Variants in TMCC3 observed in about 807,000 individuals in gnomAD.
TMCC3 encodes the protein transmembrane and coiled-coil domain protein 3.
A neutral mutation model predicts 40.2 loss-of-function variants in TMCC3; 28 were observed. The ratio of observed to expected loss-of-function variants is 0.70; its 90% CI spans 0.52 to 0.95. The LOEUF (loss-of-function observed/expected upper bound fraction) is 0.95, where lower values mean the gene tolerates loss of function less well. Among genes scored for constraint, TMCC3 ranks in the 40% least tolerant of loss-of-function variants. The probability of loss-of-function intolerance (pLI) is 0.00; values close to 1 mark genes in which losing one functional copy is unlikely to be tolerated. For missense variants in TMCC3, 554 were observed against 615.2 expected (o/e 0.90, Z 1.05); for synonymous variants, 255 against 248.5 (o/e 1.03, Z -0.25).
intron 1 of TMCC3, among the ~76,000 whole-genome samples, chr12:94,582,999 A>C (rs2068616007): frequency 6.8e-6 from 1 of 146,680 alleles, no homozygotes; most frequent in Admixed American, 6.7e-5. Flanking sequence ...TTTTTTAAAA[A>C]AGAAAGATGG....
At position 94,639,668 on chromosome 12, in the gene TMCC3, AACACACACACAC is replaced by A. The variant is rs3073591; in HGVS notation, c.78+10673_78+10684del. Among the ~76,000 whole-genome samples, 340 of 124,132 alleles carry A rather than the reference AACACACACACAC, an allele frequency of 2.7e-3. 2 individuals carry two copies. The highest frequency in any genetic ancestry group is 0.01 in the African/African-American group (323 of 31,640). 81.4% of individuals were successfully genotyped at this position (124,132 alleles called of 152,430 possible). A position where few individuals can be genotyped will look rare whatever the true frequency, so the allele number is the denominator to read the frequency against. ...AGATTACAGGAAACACATATATGTA[AACACACACACAC>A]ACACACACACACACACACACACACA... On this transcript the variant is annotated intron_variant, in intron 1 of 3. Transcript: ENST00000261226.
chr12:94,640,370 G>A (rs558625436), intron 1 of TMCC3, among the ~76,000 whole-genome samples: 1 of 152,124 alleles, frequency 6.6e-6, no homozygotes, highest in African/African-American at 2.4e-5. Context: ...CTTTTGTAGA[G>A]ATGGGGTTTG....
In TMCC3 at chr12:94,570,420, A is replaced by G. The variant is rs532621050; in HGVS notation, c.*1015T>C. On this transcript the variant is annotated 3_prime_UTR_variant, in exon 4 of 4. Coordinates refer to ENST00000261226, the MANE Select transcript of TMCC3 (RefSeq NM_020698.4). ...GACCTGTGAATAAGATGAATCACAT[A>G]AAGTGAATCATATCCTCCAGGGGGG... 7.9e-5 allele frequency: 12 copies of G among 152,352 alleles called. No homozygotes were observed. The highest frequency in any genetic ancestry group is 2.9e-4 in the African/African-American group (12 of 41,582). 9.4% of individuals were successfully genotyped at this position (152,352 alleles called of 1,614,324 possible). A position where few individuals can be genotyped will look rare whatever the true frequency, so the allele number is the denominator to read the frequency against.
intron 1 of TMCC3, among the ~76,000 whole-genome samples, chr12:94,598,399 T>A (rs2068731040): frequency 6.6e-6 from 1 of 151,960 alleles, no homozygotes; most frequent in African/African-American, 2.4e-5. Context: ...ATGTGAAAAA[T>A]ATGTATGATA....
chr12:94,609,366 C>G (rs959302157), intron 1 of TMCC3, among the ~76,000 whole-genome samples: 3 of 152,144 alleles, frequency 2.0e-5, no homozygotes, highest in African/African-American at 7.2e-5. Flanking sequence ...CATCCTCATC[C>G]CCAGCTCCCT....
chr12:94,604,903 T>C (rs543493955), intron 1 of TMCC3, among the ~76,000 whole-genome samples: 7 of 150,972 alleles, frequency 4.6e-5, no homozygotes, highest in East Asian at 1.9e-4. Flanking sequence ...AAGGTGATAA[T>C]TGACTTAGAG....
At chr12:94,589,683 C>T (rs918291905) in intron 1 of TMCC3, among the ~76,000 whole-genome samples, 2 of 152,238 alleles carry the variant, frequency 1.3e-5, no homozygotes, top group Non-Finnish European at 2.9e-5. Flanking sequence ...GGCTGTCTGT[C>T]TCCAGTGCCT....
At chr12:94,575,412 A>T (rs2068557876) in intron 3 of TMCC3, among the ~76,000 whole-genome samples, 1 of 152,182 alleles carries the variant, frequency 6.6e-6, no homozygotes. Context: ...GGTAGAGCTC[A>T]TTAATATTTC....
intron 1 of TMCC3, among the ~76,000 whole-genome samples, chr12:94,623,606 G>C (rs1028056147): frequency 2.0e-5 from 3 of 152,198 alleles, no homozygotes; most frequent in African/African-American, 7.2e-5. Flanking sequence ...CATCTTTACC[G>C]GCACAGGGGC....
At chr12:94,601,808 CA>C (rs61372290) in intron 1 of TMCC3, among the ~76,000 whole-genome samples, 270 of 76,672 alleles carry the variant, frequency 3.5e-3, no homozygotes, top group African/African-American at 0.016. Context: ...GACCTGGTCT[CA>C]AAAAAAAAAA....
At chr12:94,590,783 T>C (rs4761637) in intron 1 of TMCC3, 244,322 of 424,554 alleles carry the variant, frequency 0.58, 71,093 homozygotes, top group Admixed American at 0.61. Flanking sequence ...TGCTCCTGTG[T>C]TCTCAGGAGA....
At chr12:94,604,011 T>A (rs919643832) in intron 1 of TMCC3, among the ~76,000 whole-genome samples, 5 of 152,222 alleles carry the variant, frequency 3.3e-5, no homozygotes, top group African/African-American at 1.2e-4. Flanking sequence ...TTCATGACAC[T>A]GTCTCATAAA....
chr12:94,612,220 G>A (rs557185184), intron 1 of TMCC3, among the ~76,000 whole-genome samples: 2 of 152,070 alleles, frequency 1.3e-5, no homozygotes, highest in East Asian at 1.9e-4. Flanking sequence ...GGCTGGTCTC[G>A]AACTCCTGGG....
Position 94,582,363 on chromosome 12 carries a change from T to G in TMCC3, c.254A>C (p.Glu85Ala), listed in dbSNP as rs1360367099. 2 of 1,614,000 alleles carry G rather than the reference T, an allele frequency of 1.2e-6. No individual in the cohort carries two copies. The highest frequency in any genetic ancestry group is 1.7e-6 in the Non-Finnish European group (2 of 1,180,018). ...ILKVTEQIKI[E>A]QTSRDGNVAE... Reference sequence around the variant, plus strand: ...AACATTCCCATCGCGCGATGTTTGCTCAATTTTTATCTGCTCTGTTACCTT... The same window carrying G: ...AACATTCCCATCGCGCGATGTTTGCGCAATTTTTATCTGCTCTGTTACCTT... The change falls in exon 2 of 4, where the codon GAG becomes GCG. Residue 85 changes from glutamate (E) to alanine (A), a missense_variant. Transcript: ENST00000261226.
chr12:94,584,441 T>C (rs764400643), intron 1 of TMCC3, among the ~76,000 whole-genome samples: 6 of 152,124 alleles, frequency 3.9e-5, no homozygotes, highest in African/African-American at 7.2e-5. Context: ...ACTTCTTTTC[T>C]TATAAATTAT....
intron 1 of TMCC3, among the ~76,000 whole-genome samples, chr12:94,587,835 A>G (rs1594272268): frequency 6.6e-6 from 1 of 152,358 alleles, no homozygotes; most frequent in South Asian, 2.1e-4. Context: ...TAAAAATAAA[A>G]TGTACTACTG....
At chr12:94,572,649 T>A (rs1002852366) in intron 3 of TMCC3, among the ~76,000 whole-genome samples, 3 of 152,122 alleles carry the variant, frequency 2.0e-5, no homozygotes, top group Non-Finnish European at 4.4e-5. Context: ...ATATAAAATA[T>A]TGGTGCCTGT....
chr12:94,631,968 C>T (rs1057358498), intron 1 of TMCC3, among the ~76,000 whole-genome samples: 2 of 152,078 alleles, frequency 1.3e-5, no homozygotes, highest in African/African-American at 4.8e-5. Flanking sequence ...ACACTACTCA[C>T]GAATAAAAAG....
chr12:94,621,803 C>G (rs760677898), intron 1 of TMCC3, among the ~76,000 whole-genome samples: 1 of 152,110 alleles, frequency 6.6e-6, no homozygotes, highest in Non-Finnish European at 1.5e-5. Context: ...ATGAGAGCCC[C>G]AGTATCTGTG....
Sources: allele counts gnomAD v4.1 joint callset (sites outside exome capture counted in the v4.1 genomes callset), GRCh38; gene constraint gnomAD v4.1.1; transcripts MANE v1.5; gene names NCBI Gene and HGNC (gene_info 2026-07-23, HGNC 2026-07-21).